The following RASGEF1A variants were observed in gnomAD, a reference collection of about 807,000 sequenced individuals.
The protein encoded by RASGEF1A is RasGEF domain family member 1A.
RASGEF1A carries 18 observed loss-of-function variants against 56.4 expected under a neutral mutation model. The observed-to-expected ratio is 0.32, with a 90% CI of 0.22 to 0.47. The LOEUF (loss-of-function observed/expected upper bound fraction) is 0.47. Among genes scored for constraint, RASGEF1A ranks in the 20% least tolerant of loss-of-function variants. The pLI is 1.00. For synonymous variants in RASGEF1A, 245 were observed against 242.6 expected (o/e 1.01, Z -0.09); for missense variants, 422 against 627.1 (o/e 0.67, Z 3.49).
At chr10:43,223,003 GT>G (rs57177926) in intron 1 of RASGEF1A, among the ~76,000 whole-genome samples, 36,478 of 150,154 alleles carry the variant, frequency 0.24, 4,968 homozygotes, top group East Asian at 0.61. Context: ...CACTTTATTG[GT>G]TTTTTTTTTA....
At chr10:43,223,181 T>C (rs1840231834) in intron 1 of RASGEF1A, among the ~76,000 whole-genome samples, 1 of 152,058 alleles carries the variant, frequency 6.6e-6, no homozygotes, top group Admixed American at 6.6e-5. Context: ...CCAAGATATG[T>C]GAAAAACTGT....
Position 43,197,022 on chromosome 10 carries a change from C to G in RASGEF1A, c.1302G>C (p.Lys434Asn). 6.2e-7 allele frequency: 1 copy of G among 1,614,140 alleles called. No homozygotes were observed. Among genetic ancestry groups the G allele is most frequent in the Non-Finnish European group, 8.5e-7 (1 of 1,180,026 alleles). The part of the protein sequence containing the change: ...TQVECPFEKD[K>N]KIQSYLLTAP... ...CCGTGAGCAGGTAACTCTGAATCTT[C>G]TTGTCCTTCTCGAAAGGACACTCTA... Residue 434 changes from lysine (K) to asparagine (N), a missense_variant, in exon 11 of 13, where the codon AAG (lysine) becomes AAC (asparagine). By Grantham distance (94) the Lys-to-Asn change is moderately conservative. Around this residue, in one of 2 missense-constraint regions of RASGEF1A, gnomAD observed 149 missense variants for 287.2 expected, o/e 0.52. Coordinates refer to ENST00000395810, the MANE Select transcript of RASGEF1A (RefSeq NM_145313.4).
At chr10:43,252,781 C>T (rs1271127627) in intron 1 of RASGEF1A, among the ~76,000 whole-genome samples, 1 of 152,142 alleles carries the variant, frequency 6.6e-6, no homozygotes, top group African/African-American at 2.4e-5. Flanking sequence ...GGCTTGCAGG[C>T]TCCCTCTGCT....
chr10:43,219,919 G>A (rs1840185435), intron 1 of RASGEF1A, among the ~76,000 whole-genome samples: 1 of 152,204 alleles, frequency 6.6e-6, no homozygotes, highest in South Asian at 2.1e-4. Flanking sequence ...GGCTGTGGGA[G>A]CAGGGAGCTC....
chr10:43,230,598 C>T (rs565773597), intron 1 of RASGEF1A, among the ~76,000 whole-genome samples: 15 of 152,160 alleles, frequency 9.9e-5, no homozygotes, highest in Non-Finnish European at 1.6e-4. Context: ...GCCGGCGGGG[C>T]GGCCGCTAGG....
intron 1 of RASGEF1A, among the ~76,000 whole-genome samples, chr10:43,243,134 G>A (rs945622773): frequency 9.8e-5 from 13 of 132,552 alleles, no homozygotes; most frequent in African/African-American, 2.6e-4. Flanking sequence ...GGAGCGCCTC[G>A]GCCTGGCCGC....
intron 1 of RASGEF1A, among the ~76,000 whole-genome samples, chr10:43,225,740 C>G (rs1164223245): frequency 1.3e-5 from 2 of 152,192 alleles, no homozygotes; most frequent in Non-Finnish European, 2.9e-5. Context: ...CACACCACTG[C>G]CCCCTCAGGC....
intron 1 of RASGEF1A, among the ~76,000 whole-genome samples, chr10:43,246,492 G>A (rs1840568278): frequency 6.6e-6 from 1 of 152,168 alleles, no homozygotes; most frequent in Non-Finnish European, 1.5e-5. Context: ...TACAAAGTTG[G>A]AGGACTCACA....
At chr10:43,211,831 T>C (rs1001301846) in intron 1 of RASGEF1A, among the ~76,000 whole-genome samples, 3 of 152,344 alleles carry the variant, frequency 2.0e-5, no homozygotes, top group African/African-American at 7.2e-5. Context: ...GGGAAGCCTC[T>C]GGGTGGCCCT....
rs774283252 is a variant in RASGEF1A, at chr10:43,197,127, C to A, written c.1225-28G>T. ...GAAGGGAGCAAAACCAACTGATGTT[C>A]ATCTGTCACCTTAAGCACCAAACCC... On this transcript the variant is annotated intron_variant, in intron 10 of 12. Transcript: ENST00000395810. The A allele has an allele frequency of 1.9e-6, 3 of 1,610,616 alleles. No homozygotes were observed. The South Asian group carries it at 3.3e-5, about 18-fold the overall frequency.
chr10:43,202,567 C>G (rs1839917652), intron 3 of RASGEF1A: 1 of 459,892 alleles, frequency 2.2e-6, no homozygotes, highest in Non-Finnish European at 4.4e-6. Context: ...GAACGCACCA[C>G]AGGCCAAGCC....
At chr10:43,258,824 G>A (rs1836475038) in intron 1 of RASGEF1A, among the ~76,000 whole-genome samples, 1 of 152,224 alleles carries the variant, frequency 6.6e-6, no homozygotes, top group South Asian at 2.1e-4. Flanking sequence ...GGCCCTCCTG[G>A]CAAGCTGGAA....
chr10:43,208,979 G>A, intron 1 of RASGEF1A: 1 of 985,468 alleles, frequency 1.0e-6, no homozygotes, highest in Non-Finnish European at 1.2e-6. Flanking sequence ...CCACTGCGGG[G>A]TCCCCTGCCG....
intron 1 of RASGEF1A, among the ~76,000 whole-genome samples, chr10:43,263,102 G>C (rs1258786426): frequency 6.6e-6 from 1 of 152,168 alleles, no homozygotes; most frequent in Non-Finnish European, 1.5e-5. Flanking sequence ...GGACAGGTGG[G>C]GGCTGATGAG....
chr10:43,225,150 G>C (rs1322529445), intron 1 of RASGEF1A, among the ~76,000 whole-genome samples: 8 of 147,612 alleles, frequency 5.4e-5, no homozygotes, highest in African/African-American at 1.7e-4. Context: ...GTATGTGTCT[G>C]TGTGTGTGTC....
Position 43,259,550 on chromosome 10 carries a change from GCCT to G in RASGEF1A, c.-7+7292_-7+7294del, listed in dbSNP as rs536492291. Among the ~76,000 whole-genome samples, 392 of 152,314 alleles carry G rather than the reference GCCT, an allele frequency of 2.6e-3. 1 individual carries two copies. The highest frequency in any genetic ancestry group is 4.1e-3 in the Non-Finnish European group (280 of 68,012). On this transcript the variant is annotated intron_variant, in intron 1 of 12. Coordinates refer to ENST00000395810, the MANE Select transcript of RASGEF1A (RefSeq NM_145313.4). ...TCCGCTACAACTGCACTTCTGTCCA[GCCT>G]CCTCCTCTCCCTGCATGGTGCTTGT...
chr10:43,225,576 G>GATGGGTGT lies in RASGEF1A; in HGVS notation c.-6-19455_-6-19454insACACCCAT, dbSNP rs1554827209. Among the ~76,000 whole-genome samples, 200 of 146,168 alleles carry GATGGGTGT rather than the reference G, an allele frequency of 1.4e-3. 2 individuals carry two copies. The highest frequency in any genetic ancestry group is 4.8e-3 in the African/African-American group (192 of 40,002). On this transcript the variant is annotated intron_variant, in intron 1 of 12. Coordinates refer to ENST00000395810, the MANE Select transcript of RASGEF1A (RefSeq NM_145313.4). ...CTCTGTGTGTGGGTGTCTGTGTATG[G>GATGGGTGT]GTGTGTGTGTGTGTGTGTGTGTGTG...
Position 43,200,800 on chromosome 10 carries a change from C to T in RASGEF1A, c.548G>A (p.Arg183Gln), listed in dbSNP as rs367950389. Residue 183 changes from arginine (R) to glutamine (Q), a missense_variant, in exon 5 of 13, where the codon CGA (arginine) becomes CAA (glutamine). Transcript: ENST00000395810. ...TACAGCCGGTGGCCGGAGCTTCTCT[C>T]GCAGTTCCTGGAGCTGGCTCCGGGC... ...LAARSQLQELREKLRPPAVDK... is the reference protein window; with the variant it reads ...LAARSQLQELQEKLRPPAVDK... The T allele has an allele frequency of 3.5e-5, 56 of 1,613,810 alleles. No individual in the cohort carries two copies. The highest frequency in any genetic ancestry group is 4.7e-5 in the Non-Finnish European group (55 of 1,180,050).
chr10:43,237,671 G>A (rs1038610234), intron 1 of RASGEF1A, among the ~76,000 whole-genome samples: 2 of 152,118 alleles, frequency 1.3e-5, no homozygotes, highest in African/African-American at 4.8e-5. Context: ...CGCACGGCGT[G>A]GGTTCCAACC....
Sources: gnomAD v4.1 joint callset for allele counts (sites outside exome capture counted in the v4.1 genomes callset) on GRCh38, gnomAD v4.1.1 for gene constraint, gnomAD v4.1.1 regional missense constraint, MANE v1.5 for transcripts, NCBI Gene and HGNC (gene_info 2026-07-23, HGNC 2026-07-21) for gene names.